Variants in CELF2 observed in about 807,000 individuals in gnomAD.
The protein encoded by CELF2 is CUG triplet repeat RNA-binding protein 2.
Under a neutral mutation model 62.6 loss-of-function variants are expected in CELF2, and 8 were observed. That is an observed-to-expected ratio of 0.13 (90% CI 0.07 to 0.23). The LOEUF is 0.23. CELF2 is among the 10% of genes least tolerant of loss of function. The pLI is 1.00. For missense variants in CELF2, 333 were observed against 671.0 expected, an observed-to-expected ratio of 0.50 and a Z score of 5.56; for synonymous variants, 258 against 250.0, an observed-to-expected ratio of 1.03 and a Z score of -0.30.
chr10:10,520,464 C>G, the CELF2 span, among the ~76,000 whole-genome samples: 1 of 152,254 alleles, frequency 6.6e-6, no homozygotes, highest in African/African-American at 2.4e-5. Flanking sequence ...TATTCCTGTT[C>G]TCCCAATACT....
the CELF2 span, among the ~76,000 whole-genome samples, chr10:10,604,877 AC>A: frequency 2.0e-5 from 3 of 152,202 alleles, no homozygotes; most frequent in African/African-American, 7.2e-5. Context: ...AAAAATAGTT[AC>A]AAATAAAAAT....
the CELF2 span, among the ~76,000 whole-genome samples, chr10:10,655,764 A>G: frequency 2.2e-4 from 30 of 134,254 alleles, no homozygotes; most frequent in Middle Eastern, 0.011. Context: ...AAAACCATAA[A>G]AACCCTAGAA....
At chr10:11,037,983 A>C (rs1593705562) in intron 1 of CELF2, among the ~76,000 whole-genome samples, 1 of 149,286 alleles carries the variant, frequency 6.7e-6, no homozygotes, top group South Asian at 2.2e-4. Context: ...GAAAAAAAAA[A>C]CAGTGATTTT....
the CELF2 span, among the ~76,000 whole-genome samples, chr10:10,597,614 G>A: frequency 3.3e-5 from 5 of 152,148 alleles, no homozygotes; most frequent in South Asian, 2.1e-4. Flanking sequence ...TTAAAGGACC[G>A]GCATCTGATA....
At chr10:11,187,595 C>T (rs2075295460) in intron 2 of CELF2, among the ~76,000 whole-genome samples, 1 of 149,482 alleles carries the variant, frequency 6.7e-6, no homozygotes, top group Admixed American at 6.6e-5. Flanking sequence ...ACCTGTTCTT[C>T]CCTTTTGCCT....
chr10:11,189,972 TC>T (rs1431861824), intron 2 of CELF2, among the ~76,000 whole-genome samples: 3 of 152,214 alleles, frequency 2.0e-5, no homozygotes, highest in African/African-American at 7.2e-5. Flanking sequence ...TTTCTGTACT[TC>T]CATCTCTTTT....
At chr10:10,857,367 A>C (rs1306356139) in intron 1 of CELF2, among the ~76,000 whole-genome samples, 1 of 151,996 alleles carries the variant, frequency 6.6e-6, no homozygotes, top group Non-Finnish European at 1.5e-5. Context: ...TAGAGACCAC[A>C]AAAGAATTAC....
rs561879320 is a variant in CELF2, at chr10:11,159,384, G to A, written c.75-6102G>A. 5.9e-5 allele frequency among the ~76,000 whole-genome samples: 9 copies of A among 152,324 alleles called. No homozygotes were observed. In the South Asian group the frequency reaches 1.9e-3, roughly 32 times the overall value. On this transcript the variant is annotated intron_variant, in intron 1 of 12. Transcript: ENST00000633077. This position sits in a 1 kb window ranked among gnomAD's most constrained non-coding sequence, Gnocchi z 5.0. The stretch of plus-strand genomic sequence containing the variant: ...CGAAAGGCAGTCATGGAAGACAGAC[G>A]CGTTTTTCATGATGACTGTGAAGCA...
intron 1 of CELF2, among the ~76,000 whole-genome samples, chr10:11,033,547 A>G (rs1287889032): frequency 6.6e-6 from 1 of 152,216 alleles, no homozygotes; most frequent in African/African-American, 2.4e-5. Flanking sequence ...GTAAGCCACC[A>G]TGCCTGGCCT....
At chr10:10,576,632 C>T in the CELF2 span, among the ~76,000 whole-genome samples, 1 of 152,106 alleles carries the variant, frequency 6.6e-6, no homozygotes, top group Non-Finnish European at 1.5e-5. Flanking sequence ...TGCTATTTTT[C>T]TTATTTCAAA....
chr10:11,152,158 T>A lies in CELF2; in HGVS notation c.75-13328T>A, dbSNP rs140099641. On this transcript the variant is annotated intron_variant, in intron 1 of 12. Coordinates refer to ENST00000633077, the MANE Select transcript of CELF2 (RefSeq NM_001326342.2). ...TAAGTGGATGGGAGAGGACTTGGGCTGTTCCACATGCAGGGGTGCAGCCAA... is the reference window on the plus strand; with the variant it reads ...TAAGTGGATGGGAGAGGACTTGGGCAGTTCCACATGCAGGGGTGCAGCCAA... Among the ~76,000 whole-genome samples, 39 of 152,310 alleles carry A rather than the reference T, an allele frequency of 2.6e-4. No individual in the cohort carries two copies. In the East Asian group the frequency reaches 7.3e-3, roughly 29 times the overall value.
At chr10:11,215,615 T>C (rs926031405) in intron 2 of CELF2, among the ~76,000 whole-genome samples, 2 of 151,626 alleles carry the variant, frequency 1.3e-5, no homozygotes, top group African/African-American at 4.9e-5. Context: ...TAACTGTGGT[T>C]ATTAAATGAG....
In CELF2 at chr10:11,260,220, C is replaced by T. The variant is rs944727342; in HGVS notation, c.538+2348C>T. Among the ~76,000 whole-genome samples the T allele has an allele frequency of 8.5e-5, 13 of 152,322 alleles. No individual in the cohort carries two copies. Among genetic ancestry groups the T allele is most frequent in the African/African-American group, 2.6e-4 (11 of 41,576 alleles). On this transcript the variant is annotated intron_variant, in intron 5 of 12. Transcript: ENST00000633077. This position sits in a 1 kb window ranked among gnomAD's most constrained non-coding sequence, Gnocchi z 4.2. ...ATTCACGGCTGGTGTGCTAGCTTTTCGTCTGAGCATACCCTCTGCATGTGT... is the reference window on the plus strand; with the variant it reads ...ATTCACGGCTGGTGTGCTAGCTTTTTGTCTGAGCATACCCTCTGCATGTGT...
At chr10:11,076,475 A>G (rs931702309) in intron 1 of CELF2, among the ~76,000 whole-genome samples, 1 of 152,180 alleles carries the variant, frequency 6.6e-6, no homozygotes, top group Non-Finnish European at 1.5e-5. Flanking sequence ...ATATCTGTGG[A>G]CAGACCCAGA....
the CELF2 span, among the ~76,000 whole-genome samples, chr10:10,585,865 C>G: frequency 1.3e-5 from 2 of 152,254 alleles, no homozygotes; most frequent in Non-Finnish European, 2.9e-5. Flanking sequence ...AAAAATTTAG[C>G]ATGACTGTTT....
chr10:11,277,361 G>A (rs3814632), intron 8 of CELF2, among the ~76,000 whole-genome samples: 127,069 of 152,114 alleles, frequency 0.84, 55,581 homozygotes, highest in East Asian at 0.96. Flanking sequence ...CAGCTTCCCC[G>A]AATGTGAGAG....
At chr10:11,118,547 T>C (rs1304987564) in intron 1 of CELF2, among the ~76,000 whole-genome samples, 1 of 152,196 alleles carries the variant, frequency 6.6e-6, no homozygotes, top group Non-Finnish European at 1.5e-5. Flanking sequence ...TAGTTCCTAA[T>C]GTCTCCATTT....
chr10:11,079,750 C>T (rs12252621), intron 1 of CELF2, among the ~76,000 whole-genome samples: 4 of 146,064 alleles, frequency 2.7e-5, no homozygotes, highest in African/African-American at 7.7e-5. Context: ...AGCCCCCCCC[C>T]CCTTTTTAGG....
rs1016817974 is a variant in CELF2, at chr10:11,280,681, T to C, written c.841+5561T>C. On this transcript the variant is annotated intron_variant, in intron 8 of 12. Transcript: ENST00000633077. The surrounding 1 kb of genome is among the most constrained non-coding windows in gnomAD (Gnocchi z 7.6). ...TAGAAGATCGGTAGGTGCAGGGATG[T>C]CCATGGGGCAGGATGGACAGAGGAC... Among the ~76,000 whole-genome samples, 7 of 152,174 alleles carry C rather than the reference T, an allele frequency of 4.6e-5. No homozygotes were observed. Among genetic ancestry groups the C allele is most frequent in the Non-Finnish European group, 7.4e-5 (5 of 68,016 alleles).
Sources: gnomAD v4.1 joint callset for allele counts (sites outside exome capture counted in the v4.1 genomes callset) on GRCh38, gnomAD v4.1.1 for gene constraint, Gnocchi (gnomAD v3.1) non-coding constraint, MANE v1.5 for transcripts, NCBI Gene and HGNC (gene_info 2026-07-23, HGNC 2026-07-21) for gene names.